The following UST variants were observed in gnomAD, a reference collection of about 807,000 sequenced individuals.
UST encodes the protein uronyl 2-sulfotransferase, also known as chondroitin sulfate 2-O-sulfotransferase.
A neutral mutation model predicts 45.6 loss-of-function variants in UST; 21 were observed. That is an observed-to-expected ratio of 0.46 (90% CI 0.33 to 0.66). The LOEUF is 0.66. UST is among the 30% of genes least tolerant of loss of function. The pLI, the probability that UST is intolerant of heterozygous loss-of-function variation, is 0.02. For synonymous variants in UST, 215 were observed against 200.6 expected, an observed-to-expected ratio of 1.07 and a Z score of -0.61; for missense variants, 463 against 512.4, an observed-to-expected ratio of 0.90 and a Z score of 0.93.
intron 4 of UST, among the ~76,000 whole-genome samples, chr6:148,955,018 G>A (rs913091330): frequency 1.3e-5 from 2 of 152,224 alleles, no homozygotes; most frequent in Non-Finnish European, 2.9e-5. Context: ...TCTAATAGCT[G>A]ACAGATCACT....
chr6:148,760,998 C>T (rs1222914685), intron 1 of UST, among the ~76,000 whole-genome samples: 1 of 152,196 alleles, frequency 6.6e-6, no homozygotes, highest in Non-Finnish European at 1.5e-5. Context: ...CCAGTTCCCT[C>T]AGTGAGCCTG....
At chr6:148,925,491 G>T (rs1779796178) in intron 2 of UST, among the ~76,000 whole-genome samples, 1 of 152,164 alleles carries the variant, frequency 6.6e-6, no homozygotes, top group Admixed American at 6.5e-5. Context: ...TATAGTAGTA[G>T]GTTTTTTCCA....
At chr6:149,042,071 GA>G (rs1776322412) in intron 7 of UST, among the ~76,000 whole-genome samples, 1 of 152,200 alleles carries the variant, frequency 6.6e-6, no homozygotes, top group South Asian at 2.1e-4. Context: ...CATGTACTGT[GA>G]TAAACATTTT....
At chr6:148,933,482 T>C (rs1021629072) in intron 2 of UST, among the ~76,000 whole-genome samples, 1 of 152,188 alleles carries the variant, frequency 6.6e-6, no homozygotes, top group African/African-American at 2.4e-5. Flanking sequence ...AAGCCAAAGG[T>C]TCAGATTTGG....
intron 3 of UST, among the ~76,000 whole-genome samples, chr6:148,941,829 T>C (rs1780133649): frequency 1.3e-5 from 2 of 152,208 alleles, no homozygotes; most frequent in African/African-American, 2.4e-5. Context: ...GTCCAGGATC[T>C]TTATGGTTGT....
chr6:148,895,073 C>G (rs1779098541), intron 2 of UST, among the ~76,000 whole-genome samples: 1 of 152,074 alleles, frequency 6.6e-6, no homozygotes. Context: ...ACCTCGGCCT[C>G]CCAAACTGCT....
At chr6:149,003,205 A>T (rs1346123521) in intron 5 of UST, among the ~76,000 whole-genome samples, 3 of 152,210 alleles carry the variant, frequency 2.0e-5, no homozygotes, top group African/African-American at 7.2e-5. Flanking sequence ...TTTAAACTGT[A>T]TTAGAATAGT....
chr6:148,781,838 T>C (rs952930419), intron 1 of UST, among the ~76,000 whole-genome samples: 4 of 152,212 alleles, frequency 2.6e-5, no homozygotes, highest in Admixed American at 6.5e-5. Flanking sequence ...TGTGACAGCA[T>C]ATCTGTTTAT....
intron 5 of UST, among the ~76,000 whole-genome samples, chr6:149,015,578 A>T (rs948261821): frequency 2.0e-5 from 3 of 152,206 alleles, no homozygotes; most frequent in African/African-American, 7.2e-5. Flanking sequence ...TCATCAATGC[A>T]GTGACAATCT....
chr6:148,967,420 TC>T (rs1357081104), intron 5 of UST, among the ~76,000 whole-genome samples: 1 of 152,034 alleles, frequency 6.6e-6, no homozygotes, highest in Non-Finnish European at 1.5e-5. Flanking sequence ...AAGGCTGTCT[TC>T]TTGTTCAAAG....
intron 5 of UST, among the ~76,000 whole-genome samples, chr6:148,970,694 A>G (rs572023453): frequency 9.2e-5 from 14 of 152,206 alleles, no homozygotes; most frequent in Admixed American, 2.6e-4. Flanking sequence ...AGTTGTTGAG[A>G]CCTAGAGCCA....
intron 1 of UST, among the ~76,000 whole-genome samples, chr6:148,865,175 TA>T (rs1778401310): frequency 6.6e-6 from 1 of 152,224 alleles, no homozygotes. Flanking sequence ...GTGGCATGTT[TA>T]AGAATGACTT....
chr6:148,938,252 G>A (rs1780057262), intron 2 of UST, among the ~76,000 whole-genome samples: 1 of 152,162 alleles, frequency 6.6e-6, no homozygotes, highest in African/African-American at 2.4e-5. Context: ...TTCAGTGTCT[G>A]TTTAGGCTCT....
At chr6:149,043,812 G>A (rs748140475) in intron 7 of UST, among the ~76,000 whole-genome samples, 25 of 152,254 alleles carry the variant, frequency 1.6e-4, no homozygotes, top group Non-Finnish European at 3.2e-4. Flanking sequence ...TTATAACATA[G>A]GATATTGTTT....
intron 1 of UST, among the ~76,000 whole-genome samples, chr6:148,843,914 T>G (rs1777934113): frequency 6.6e-6 from 1 of 152,246 alleles, no homozygotes; most frequent in East Asian, 1.9e-4. Context: ...CTTGCTGAAT[T>G]AATTCATTTC....
rs561105314 is a variant in UST, at chr6:148,934,620, C to G, written c.292-6659C>G. Among the ~76,000 whole-genome samples, 1 of 152,278 alleles carries G rather than the reference C, an allele frequency of 6.6e-6. No homozygotes were observed. Among genetic ancestry groups the G allele is most frequent in the South Asian group, 2.1e-4 (1 of 4,820 alleles). Reference sequence around the variant, plus strand: ...CAGTGCCCTTCGCCCCAACTCCTCTCCAGGATCACGCAGGCAACCTTCTCC... The same window carrying G: ...CAGTGCCCTTCGCCCCAACTCCTCTGCAGGATCACGCAGGCAACCTTCTCC... On this transcript the variant is annotated intron_variant, in intron 2 of 7. Transcript: ENST00000367463. The surrounding 1 kb of genome is among the most constrained non-coding windows in gnomAD (Gnocchi z 4.1).
chr6:148,946,627 T>C (rs1442733065), intron 3 of UST, among the ~76,000 whole-genome samples: 5 of 149,484 alleles, frequency 3.3e-5, no homozygotes, highest in Non-Finnish European at 7.4e-5. Flanking sequence ...CTGGCTAACA[T>C]GGTGAAACCC....
At chr6:148,935,457 AG>A (rs1434363515) in intron 2 of UST, among the ~76,000 whole-genome samples, 1 of 152,204 alleles carries the variant, frequency 6.6e-6, no homozygotes, top group Non-Finnish European at 1.5e-5. Context: ...AAATGATAAT[AG>A]GAACATTAAA....
At chr6:148,990,819 C>T (rs754774331) in intron 5 of UST, among the ~76,000 whole-genome samples, 7 of 152,188 alleles carry the variant, frequency 4.6e-5, no homozygotes, top group Non-Finnish European at 1.0e-4. Context: ...AACACAGTGA[C>T]ACTCTCCTAG....
Sources: allele counts gnomAD v4.1 joint callset (sites outside exome capture counted in the v4.1 genomes callset), GRCh38; gene constraint gnomAD v4.1.1; non-coding constraint Gnocchi (gnomAD v3.1); transcripts MANE v1.5; gene names NCBI Gene and HGNC (gene_info 2026-07-23, HGNC 2026-07-21).